The following ADAMTS5 variants were observed in gnomAD, a reference collection of about 807,000 sequenced individuals.
ADAMTS5 encodes the protein ADAM metallopeptidase with thrombospondin type 1 motif 5.
Under a neutral mutation model 81.4 loss-of-function variants are expected in ADAMTS5, and 54 were observed. That is an observed-to-expected ratio of 0.66 (90% confidence interval 0.53 to 0.83). The LOEUF (loss-of-function observed/expected upper bound fraction) is 0.83. Among genes scored for constraint, ADAMTS5 ranks in the 40% least tolerant of loss-of-function variants. ADAMTS5 has a pLI of 0.00. For synonymous variants in ADAMTS5, 532 were observed against 508.8 expected, an observed-to-expected ratio of 1.05 and a Z score of -0.61; for missense variants, 1,194 against 1,229.9, an observed-to-expected ratio of 0.97 and a Z score of 0.44.
In ADAMTS5 at chr21:26,919,473, C is replaced by T. The variant is rs1986647691; in HGVS notation, c.*4580G>A. 6.7e-6 allele frequency: 1 copy of T among 149,226 alleles called. No homozygotes were observed. Among genetic ancestry groups the T allele is most frequent in the Admixed American group, 6.7e-5 (1 of 14,958 alleles). 9.2% of individuals were successfully genotyped at this position (149,226 alleles called of 1,614,324 possible). ...GGCTAACTAATGTGTATGTTAATGT[C>T]TTTTTTTTTTCAAAACCAACATCAT... On this transcript the variant is annotated 3_prime_UTR_variant, in exon 8 of 8. Coordinates refer to ENST00000284987, the MANE Select transcript of ADAMTS5 (RefSeq NM_007038.5).
At position 26,924,331 on chromosome 21, in the gene ADAMTS5, G is replaced by T. The variant is rs528525268; in HGVS notation, c.2515C>A (p.Pro839Thr). ...TAACGGACATCTAATGGTTTAGTGG[G>T]GTCTGTTGCAAGAATCTGCACTATT... is the stretch of plus-strand genomic sequence containing the variant. ...ILIVQILATD[P>T]TKPLDVRYSF... The change falls in exon 8 of 8, where the codon CCC becomes ACC. Residue 839 changes from proline (P) to threonine (T), a missense_variant. Around this residue, in one of 2 missense-constraint regions of ADAMTS5, gnomAD observed 696 missense variants for 817.6 expected, o/e 0.85. Transcript: ENST00000284987. 2.5e-6 allele frequency: 4 copies of T among 1,614,166 alleles called. No individual in the cohort carries two copies. The Admixed American group carries it at 5.0e-5, about 20-fold the overall frequency.
chr21:26,944,387 C>G (rs1407113229), intron 2 of ADAMTS5, among the ~76,000 whole-genome samples: 1 of 152,196 alleles, frequency 6.6e-6, no homozygotes, highest in African/African-American at 2.4e-5. Context: ...CAACAATGTT[C>G]TCTGAAGTTC....
Position 26,919,634 on chromosome 21 carries a change from G to A in ADAMTS5, c.*4419C>T, listed in dbSNP as rs922003943. 2.0e-5 allele frequency: 3 copies of A among 151,714 alleles called. No individual in the cohort carries two copies. Among genetic ancestry groups the A allele is most frequent in the Non-Finnish European group, 4.4e-5 (3 of 67,906 alleles). 9.4% of individuals were successfully genotyped at this position (151,714 alleles called of 1,614,324 possible). A position where few individuals can be genotyped will look rare whatever the true frequency, so the allele number is the denominator to read the frequency against. On this transcript the variant is annotated 3_prime_UTR_variant, in exon 8 of 8. Transcript: ENST00000284987. The stretch of plus-strand genomic sequence containing the variant: ...TATTCCAATTTTTTGGCTAATGCAT[G>A]GTTTTGTATTTCAATATGTTCTCAT...
chr21:26,944,128 G>A (rs1184858481), intron 2 of ADAMTS5, among the ~76,000 whole-genome samples: 6 of 152,140 alleles, frequency 3.9e-5, no homozygotes, highest in Non-Finnish European at 7.4e-5. Flanking sequence ...GGAAGTTTCC[G>A]GTTTCTTGCA....
chr21:26,934,849 C>T (rs186066681), intron 3 of ADAMTS5, 100 bp from the exon 4 acceptor site: 16 of 1,475,184 alleles, frequency 1.1e-5, no homozygotes, highest in African/African-American at 8.3e-5. Context: ...TGTTGGAGCA[C>T]GAGGCACCCA....
At chr21:26,956,928 C>T (rs76465378) in intron 1 of ADAMTS5, among the ~76,000 whole-genome samples, 1,884 of 152,244 alleles carry the variant, frequency 0.012, 47 homozygotes, top group African/African-American at 0.043. Context: ...CCTTTTGCCA[C>T]GGAAATGTGA....
chr21:26,926,117 AAG>A (rs968242798), intron 7 of ADAMTS5, among the ~76,000 whole-genome samples: 7 of 151,666 alleles, frequency 4.6e-5, no homozygotes, highest in Non-Finnish European at 1.0e-4. Flanking sequence ...CAAAAAGTAA[AAG>A]AGTTAGCCAG....
At chr21:26,940,109 G>A (rs1314947679) in intron 3 of ADAMTS5, among the ~76,000 whole-genome samples, 1 of 152,074 alleles carries the variant, frequency 6.6e-6, no homozygotes, top group Non-Finnish European at 1.5e-5. Flanking sequence ...AGCTACTTAT[G>A]GCTAATAATT....
At chr21:26,937,429 C>T (rs1380522281) in intron 3 of ADAMTS5, among the ~76,000 whole-genome samples, 1 of 152,074 alleles carries the variant, frequency 6.6e-6, no homozygotes, top group Non-Finnish European at 1.5e-5. Context: ...TGTGTTATGC[C>T]AATGTTCTCA....
In ADAMTS5 at chr21:26,964,884, G is replaced by A. The variant is rs368405265; in HGVS notation, c.1104+404C>T. On this transcript the variant is annotated intron_variant, in intron 1 of 7. Transcript: ENST00000284987. ...CCATCCAGCCCTTTCCATTAGGTGGGACAAGGTTATATTTTATTTTCACTG... is the reference window on the plus strand; with the variant it reads ...CCATCCAGCCCTTTCCATTAGGTGGAACAAGGTTATATTTTATTTTCACTG... Among the ~76,000 whole-genome samples, 688 of 152,316 alleles carry A rather than the reference G, an allele frequency of 4.5e-3. 4 individuals carry two copies. The highest frequency in any genetic ancestry group is 5.9e-3 in the Non-Finnish European group (400 of 68,022).
At position 26,937,513 on chromosome 21, in the gene ADAMTS5, T is replaced by C. The variant is rs529377180; in HGVS notation, c.1406-2764A>G. The stretch of plus-strand genomic sequence containing the variant: ...ATAATTTAATTTTTACATTGAATTA[T>C]GTCCTTTTGCAACAAAATAGGTACA... On this transcript the variant is annotated intron_variant, in intron 3 of 7. Transcript: ENST00000284987. 3.9e-5 allele frequency among the ~76,000 whole-genome samples: 6 copies of C among 152,370 alleles called. No individual in the cohort carries two copies. The East Asian group carries it at 7.7e-4, about 20-fold the overall frequency.
chr21:26,939,644 G>C (rs1244193515), intron 3 of ADAMTS5: 1 of 152,228 alleles, frequency 6.6e-6, no homozygotes, highest in Non-Finnish European at 1.5e-5. Flanking sequence ...TGTTGTGAGT[G>C]TTCTTGAGCT....
intron 1 of ADAMTS5, among the ~76,000 whole-genome samples, chr21:26,962,264 A>C (rs1336508683): frequency 1.3e-5 from 2 of 152,214 alleles, no homozygotes; most frequent in African/African-American, 4.8e-5. Flanking sequence ...TTGAAATAAA[A>C]GAGGACGTCC....
chr21:26,961,466 A>G (rs1203885291), intron 1 of ADAMTS5, among the ~76,000 whole-genome samples: 1 of 152,198 alleles, frequency 6.6e-6, no homozygotes, highest in Non-Finnish European at 1.5e-5. Flanking sequence ...GATTTATCAG[A>G]GTTTTCCTAA....
In ADAMTS5 at chr21:26,965,652, G is replaced by A. The variant is rs747314342; in HGVS notation, c.740C>T (p.Ala247Val). Reference sequence around the variant, plus strand: ...CCACGTCTGCGGTCCTGAGCCCCCAGCGGGCGAGAGAGCGGACTGGTCCAA... The same window carrying A: ...CCACGTCTGCGGTCCTGAGCCCCCAACGGGCGAGAGAGCGGACTGGTCCAA... ...QLLDQSALSP[A>V]GGSGPQTWWR... Residue 247 changes from alanine (A) to valine (V), a missense_variant, in exon 1 of 8, where the codon GCT (alanine) becomes GTT (valine). Ala to Val is a moderately conservative substitution (Grantham distance 64). Coordinates refer to ENST00000284987, the MANE Select transcript of ADAMTS5 (RefSeq NM_007038.5). The A allele has an allele frequency of 6.3e-7, 1 of 1,593,864 alleles. No homozygotes were observed.
At chr21:26,932,779 C>T in intron 5 of ADAMTS5, 82 bp downstream of exon 5, 2 of 1,428,108 alleles carry the variant, frequency 1.4e-6, no homozygotes, top group Non-Finnish European at 1.9e-6. Context: ...AATATTATTT[C>T]CCCAGCTTCC....
chr21:26,944,640 C>A (rs961955529), intron 2 of ADAMTS5, among the ~76,000 whole-genome samples: 2 of 152,040 alleles, frequency 1.3e-5, no homozygotes, highest in African/African-American at 4.8e-5. Context: ...CATACACAAA[C>A]CACTAAAACA....
At chr21:26,924,805 A>C (rs544304595) in intron 7 of ADAMTS5, among the ~76,000 whole-genome samples, 185 bp from the exon 8 acceptor site, 1 of 152,340 alleles carries the variant, frequency 6.6e-6, no homozygotes, top group Non-Finnish European at 1.5e-5. Flanking sequence ...GAAAATTGCA[A>C]TTATACTACA....
rs149469399 is a variant in ADAMTS5, at chr21:26,954,776, A to G, written c.1200T>C (p.Asp400=). 7.0e-4 allele frequency: 1,136 copies of G among 1,614,036 alleles called. No homozygotes were observed. Among genetic ancestry groups the G allele is most frequent in the Non-Finnish European group, 8.9e-4 (1,048 of 1,180,012 alleles). Residue 400 remains aspartate, a synonymous_variant, in exon 2 of 8, where the codon GAT becomes GAC. Coordinates refer to ENST00000284987, the MANE Select transcript of ADAMTS5 (RefSeq NM_007038.5). ...CCACAGTGAAGGCTGCGTGGAGGCC[A>G]TCGTCTTCAATCACAGCACAGCTGC... ...PERSCAVIED[D]GLHAAFTVAH...
Sources: gnomAD v4.1 joint callset for allele counts (sites outside exome capture counted in the v4.1 genomes callset) on GRCh38, gnomAD v4.1.1 for gene constraint, gnomAD v4.1.1 regional missense constraint, MANE v1.5 for transcripts, NCBI Gene and HGNC (gene_info 2026-07-23, HGNC 2026-07-21) for gene names.